Variants in SORCS2 observed in about 807,000 individuals in gnomAD.
SORCS2 encodes the protein VPS10 domain-containing receptor SorCS2.
In SORCS2, 100 loss-of-function variants were observed where a neutral mutation model predicts 141.6. That is an observed-to-expected ratio of 0.71 (90% CI 0.60 to 0.83). The LOEUF (loss-of-function observed/expected upper bound fraction) is 0.83, where lower values mean the gene tolerates loss of function less well. Ranked by LOEUF, SORCS2 falls within the 40% of genes least tolerant of loss-of-function variation. The pLI is 0.00. For missense variants in SORCS2, 1,646 were observed against 1,560.2 expected, an observed-to-expected ratio of 1.05 and a Z score of -0.93; for synonymous variants, 789 against 676.9, an observed-to-expected ratio of 1.17 and a Z score of -2.57.
At chr4:7,451,783 T>C (rs113999731) in intron 2 of SORCS2, among the ~76,000 whole-genome samples, 3,758 of 152,180 alleles carry the variant, frequency 0.025, 87 homozygotes, top group Admixed American at 0.037. Context: ...TGGTGCAGGA[T>C]TGCAGAGGAG....
At chr4:7,362,811 C>A (rs995597367) in intron 1 of SORCS2, among the ~76,000 whole-genome samples, 2 of 151,818 alleles carry the variant, frequency 1.3e-5, no homozygotes, top group African/African-American at 4.8e-5. Flanking sequence ...ACCATCATTA[C>A]CACCAACACC....
chr4:7,497,964 C>T (rs4234821), intron 2 of SORCS2, among the ~76,000 whole-genome samples: 147,780 of 152,388 alleles, frequency 0.97, 71,782 homozygotes, highest in East Asian at 1. Context: ...TCACTGGAAG[C>T]GGGTGATGGA....
chr4:7,628,109 G>A (rs1377660157), intron 3 of SORCS2, among the ~76,000 whole-genome samples: 2 of 152,306 alleles, frequency 1.3e-5, no homozygotes, highest in Middle Eastern at 3.4e-3. Context: ...TAAGGGAGGC[G>A]GGGGTGTGTG....
intron 1 of SORCS2, among the ~76,000 whole-genome samples, chr4:7,360,094 C>G (rs1381046517): frequency 6.6e-6 from 1 of 152,180 alleles, no homozygotes; most frequent in East Asian, 1.9e-4. Flanking sequence ...ACGAAGGCCC[C>G]TGAGGCAGAT....
rs532873821 is a variant in SORCS2 at position 7,237,960 on chromosome 4, G to A, written c.480+44834G>A. On this transcript the variant is annotated intron_variant, in intron 1 of 26. Transcript: ENST00000507866. ...AACTATCAAGGAGCATGGTGCCAGA[G>A]TGCTCAGGAGTTCTTGGGATACCAG... Among the ~76,000 whole-genome samples the A allele has an allele frequency of 2.0e-5, 3 of 152,278 alleles. No homozygotes were observed. The South Asian group carries it at 6.2e-4, about 32-fold the overall frequency.
At chr4:7,715,382 C>G in intron 17 of SORCS2, 71 bp downstream of exon 17, 6 of 1,580,444 alleles carry the variant, frequency 3.8e-6, no homozygotes, top group Non-Finnish European at 5.2e-6. Flanking sequence ...CGAAACCACG[C>G]CTTCCTGGCT....
chr4:7,697,374 T>C, intron 12 of SORCS2, 100 bp downstream of exon 12: 2 of 1,046,660 alleles, frequency 1.9e-6, no homozygotes, highest in South Asian at 3.1e-5. Flanking sequence ...AGAGGCTCTG[T>C]GGGAGAAGCT....
At position 7,648,392 on chromosome 4, in the gene SORCS2, G is replaced by A. The variant is rs963463091; in HGVS notation, c.814-5742G>A. Among the ~76,000 whole-genome samples the A allele has an allele frequency of 1.3e-5, 2 of 152,144 alleles. No homozygotes were observed. Among genetic ancestry groups the A allele is most frequent in the African/African-American group, 2.4e-5 (1 of 41,412 alleles). On this transcript the variant is annotated intron_variant, in intron 4 of 26. Transcript: ENST00000507866. The surrounding 1 kb of genome is among the most constrained non-coding windows in gnomAD (Gnocchi z 4.2). ...TCCTGGCAGGAGAGGATCCTGGAAG[G>A]GGGATGTGTGGCATGAGCCTCAGAG...
rs185188774 is a variant in SORCS2, at chr4:7,687,107, G to A, written c.1489-2379G>A. Among the ~76,000 whole-genome samples the A allele has an allele frequency of 2.0e-4, 30 of 152,334 alleles. No individual in the cohort carries two copies. In the East Asian group the frequency reaches 3.9e-3, roughly 20 times the overall value. On this transcript the variant is annotated intron_variant, in intron 10 of 26. Coordinates refer to ENST00000507866, the MANE Select transcript of SORCS2 (RefSeq NM_020777.3). ...GATGTGCACAGCTCATCGGGGGAAC[G>A]GGAGAGGTTGACGGAGACCAACCCA...
intron 1 of SORCS2, among the ~76,000 whole-genome samples, chr4:7,334,312 C>T (rs1451221596): frequency 1.3e-5 from 2 of 152,146 alleles, no homozygotes; most frequent in East Asian, 1.9e-4. Flanking sequence ...AGCCTGCCTT[C>T]CTTCCCCATC....
At chr4:7,544,385 T>C (rs1713086457) in intron 3 of SORCS2, among the ~76,000 whole-genome samples, 1 of 152,180 alleles carries the variant, frequency 6.6e-6, no homozygotes, top group Admixed American at 6.5e-5. Flanking sequence ...GTGAAGGGGA[T>C]GCTGTTCCCT....
At chr4:7,235,147 G>T (rs1039578652) in intron 1 of SORCS2, among the ~76,000 whole-genome samples, 18 of 152,362 alleles carry the variant, frequency 1.2e-4, no homozygotes, top group African/African-American at 4.3e-4. Flanking sequence ...GTCCTTGCCG[G>T]TGAATGGTAC....
chr4:7,569,601 G>A (rs1715245710), intron 3 of SORCS2, among the ~76,000 whole-genome samples: 1 of 152,226 alleles, frequency 6.6e-6, no homozygotes, highest in South Asian at 2.1e-4. Flanking sequence ...CCTATCCTAT[G>A]TGCAGAGAAC....
intron 3 of SORCS2, among the ~76,000 whole-genome samples, chr4:7,590,857 A>C (rs1716870525): frequency 6.6e-6 from 1 of 152,232 alleles, no homozygotes; most frequent in Non-Finnish European, 1.5e-5. Context: ...GTGTTAGACC[A>C]CTGAGGTTGT....
intron 1 of SORCS2, among the ~76,000 whole-genome samples, chr4:7,243,758 C>G (rs752085793): frequency 1.3e-5 from 2 of 152,256 alleles, no homozygotes; most frequent in Admixed American, 6.5e-5. Context: ...GGGATCCCCC[C>G]CCACAAACCC....
chr4:7,548,378 G>A (rs1713429750), intron 3 of SORCS2, among the ~76,000 whole-genome samples: 1 of 152,198 alleles, frequency 6.6e-6, no homozygotes, highest in Non-Finnish European at 1.5e-5. Context: ...TTTGGTGCAA[G>A]GTGGGGTCCT....
intron 2 of SORCS2, among the ~76,000 whole-genome samples, chr4:7,436,625 C>T (rs7660079): frequency 0.64 from 97,976 of 152,156 alleles, 31,681 homozygotes; most frequent in East Asian, 0.84. Flanking sequence ...GATTGACCCA[C>T]GCTGCTGTGT....
Position 7,660,022 on chromosome 4 carries a change from T to C in SORCS2, c.888-1478T>C, listed in dbSNP as rs1722047310. Among the ~76,000 whole-genome samples, 3 of 152,140 alleles carry C rather than the reference T, an allele frequency of 2.0e-5. No individual in the cohort carries two copies. The South Asian group carries it at 6.2e-4, about 32-fold the overall frequency. On this transcript the variant is annotated intron_variant, in intron 5 of 26. Transcript: ENST00000507866. ...TTCCTCGTCTGTAAAATGGGTATAA[T>C]CAAACCATTCGGGATCATTCAAGAT...
At chr4:7,628,436 A>C (rs192980350) in intron 3 of SORCS2, among the ~76,000 whole-genome samples, 1 of 151,392 alleles carries the variant, frequency 6.6e-6, no homozygotes, top group Non-Finnish European at 1.5e-5. Context: ...GGAGAATGGC[A>C]TGAACCCGGG....
Sources: gnomAD v4.1 joint callset for allele counts (sites outside exome capture counted in the v4.1 genomes callset) on GRCh38, gnomAD v4.1.1 for gene constraint, Gnocchi (gnomAD v3.1) non-coding constraint, MANE v1.5 for transcripts, NCBI Gene and HGNC (gene_info 2026-07-23, HGNC 2026-07-21) for gene names.